Variants in FRMD6 observed in about 807,000 individuals in gnomAD.
FRMD6 encodes the protein FERM domain-containing protein 6.
Under a neutral mutation model 73.2 loss-of-function variants are expected in FRMD6, and 37 were observed. The observed-to-expected ratio is 0.51, with a 90% CI of 0.39 to 0.66. The LOEUF is 0.66. FRMD6 is among the 30% of genes least tolerant of loss of function. FRMD6 has a pLI of 0.00. For missense variants in FRMD6, 714 were observed against 780.5 expected, an observed-to-expected ratio of 0.91 and a Z score of 1.02; for synonymous variants, 273 against 282.2, an observed-to-expected ratio of 0.97 and a Z score of 0.33.
chr14:51,665,405 C>T (rs972662897), intron 1 of FRMD6, among the ~76,000 whole-genome samples: 4 of 152,102 alleles, frequency 2.6e-5, no homozygotes, highest in African/African-American at 9.7e-5. Context: ...TGTTTAGATA[C>T]TTATTTTTTT....
At chr14:51,443,434 C>T in the FRMD6 span, among the ~76,000 whole-genome samples, 3 of 152,114 alleles carry the variant, frequency 2.0e-5, no homozygotes, top group Admixed American at 2.0e-4. Flanking sequence ...TTAATTCAAC[C>T]CTCACTCTCT....
chr14:51,638,513 T>A lies in FRMD6; in HGVS notation c.-146-51178T>A, dbSNP rs78013076. Among the ~76,000 whole-genome samples, 426 of 152,248 alleles carry A rather than the reference T, an allele frequency of 2.8e-3. 1 individual carries two copies. Among genetic ancestry groups the A allele is most frequent in the African/African-American group, 9.5e-3 (394 of 41,550 alleles). ...GCTGACAGATGAGCCTCTTGTTCCATGCTAGATTTTACAACCTGGCTCCCG... is the reference window on the plus strand; with the variant it reads ...GCTGACAGATGAGCCTCTTGTTCCAAGCTAGATTTTACAACCTGGCTCCCG... On this transcript the variant is annotated intron_variant, in intron 2 of 14. Transcript: ENST00000356218.
chr14:51,590,063 A>C (rs1889300347), intron 2 of FRMD6, among the ~76,000 whole-genome samples: 1 of 83,870 alleles, frequency 1.2e-5, no homozygotes, highest in East Asian at 3.6e-4. Context: ...AGCGAAACTC[A>C]AAAAAAAAAA....
chr14:51,675,723 TACTTTAA>T (rs965510086), intron 1 of FRMD6, among the ~76,000 whole-genome samples: 1 of 152,162 alleles, frequency 6.6e-6, no homozygotes, highest in African/African-American at 2.4e-5. Context: ...TGATCTTCTT[TACTTTAA>T]AGAGTACCTG....
At chr14:51,718,671 G>A (rs1050342001) in intron 10 of FRMD6, among the ~76,000 whole-genome samples, 1 of 152,214 alleles carries the variant, frequency 6.6e-6, no homozygotes, top group Non-Finnish European at 1.5e-5. Flanking sequence ...TTGTTGTGAT[G>A]ATATGTGCGT....
chr14:51,712,631 T>C (rs1426651334), intron 9 of FRMD6, 80 bp downstream of exon 9: 10 of 894,018 alleles, frequency 1.1e-5, no homozygotes, highest in Non-Finnish European at 1.8e-5. Context: ...TTTTGTTTTG[T>C]TTTTAAACAA....
At chr14:51,654,008 A>G (rs557623062) in intron 1 of FRMD6, among the ~76,000 whole-genome samples, 39 of 152,184 alleles carry the variant, frequency 2.6e-4, no homozygotes, top group Non-Finnish European at 5.1e-4. Context: ...GAGATCTGAC[A>G]CTGATGGGCT....
chr14:51,664,375 A>G (rs535107083), intron 1 of FRMD6, among the ~76,000 whole-genome samples: 1 of 152,362 alleles, frequency 6.6e-6, no homozygotes, highest in East Asian at 1.9e-4. Flanking sequence ...TCTTCTGGGA[A>G]CTACCTTTGA....
intron 1 of FRMD6, among the ~76,000 whole-genome samples, chr14:51,557,022 T>A (rs551905967): frequency 1.3e-5 from 2 of 152,156 alleles, no homozygotes; most frequent in Non-Finnish European, 2.9e-5. Flanking sequence ...CATGGTGGTA[T>A]GTGCCTATAA....
In FRMD6 at chr14:51,619,774, T is replaced by G. The variant is rs1364752542; in HGVS notation, c.-147+49364T>G. Among the ~76,000 whole-genome samples, 3 of 152,226 alleles carry G rather than the reference T, an allele frequency of 2.0e-5. No individual in the cohort carries two copies. In the East Asian group the frequency reaches 5.8e-4, roughly 29 times the overall value. On this transcript the variant is annotated intron_variant, in intron 2 of 14. Transcript: ENST00000356218. ...GCTACTTTGTATGCTTTTTGGAATA[T>G]CTGACATATCTCAACAGCTGGATTC...
intron 2 of FRMD6, among the ~76,000 whole-genome samples, chr14:51,607,161 A>C (rs539631668): frequency 5.9e-5 from 9 of 152,260 alleles, no homozygotes; most frequent in Admixed American, 3.9e-4. Context: ...CCAGGTTTCT[A>C]CATATTCCTT....
At chr14:51,713,477 A>G (rs79427341) in intron 9 of FRMD6, among the ~76,000 whole-genome samples, 1 of 132,974 alleles carries the variant, frequency 7.5e-6, no homozygotes, top group Non-Finnish European at 1.6e-5. Context: ...AAAAAAAAAA[A>G]TCGTAGTTCT....
At chr14:51,518,000 A>G (rs866253759) in intron 1 of FRMD6, among the ~76,000 whole-genome samples, 3 of 152,222 alleles carry the variant, frequency 2.0e-5, no homozygotes, top group African/African-American at 7.2e-5. Context: ...TCGGACAAGT[A>G]TAACATACAA....
chr14:51,707,331 AT>A (rs1434713108), intron 6 of FRMD6, among the ~76,000 whole-genome samples: 6 of 152,180 alleles, frequency 3.9e-5, no homozygotes, highest in Non-Finnish European at 5.9e-5. Context: ...AATTTTGATT[AT>A]TTTAAGCACG....
chr14:51,405,533 T>C, the FRMD6 span, among the ~76,000 whole-genome samples: 2 of 152,134 alleles, frequency 1.3e-5, no homozygotes, highest in Admixed American at 1.3e-4. Flanking sequence ...GGTATCTCAC[T>C]GTGATTTTGA....
intron 2 of FRMD6, among the ~76,000 whole-genome samples, chr14:51,617,162 A>G (rs1248298271): frequency 6.6e-6 from 1 of 152,208 alleles, no homozygotes; most frequent in African/African-American, 2.4e-5. Context: ...TGCATGTAAC[A>G]CAGTGAGTCA....
At chr14:51,519,126 G>A (rs1884801979) in intron 1 of FRMD6, among the ~76,000 whole-genome samples, 1 of 152,064 alleles carries the variant, frequency 6.6e-6, no homozygotes, top group Admixed American at 6.5e-5. Flanking sequence ...TGCTTGGGAT[G>A]TTGTACGTTT....
At chr14:51,655,933 A>G (rs966227186) in intron 1 of FRMD6, among the ~76,000 whole-genome samples, 1 of 152,222 alleles carries the variant, frequency 6.6e-6, no homozygotes, top group Non-Finnish European at 1.5e-5. Flanking sequence ...CCCATTTCAA[A>G]GACTGGAAAC....
intron 1 of FRMD6, among the ~76,000 whole-genome samples, chr14:51,669,499 C>T (rs912637905): frequency 1.3e-5 from 2 of 152,134 alleles, no homozygotes; most frequent in Non-Finnish European, 2.9e-5. Context: ...TCTAGTTGCT[C>T]CAGATTCTCA....
Sources: gnomAD v4.1 joint callset for allele counts (sites outside exome capture counted in the v4.1 genomes callset) on GRCh38, gnomAD v4.1.1 for gene constraint, MANE v1.5 for transcripts, NCBI Gene and HGNC (gene_info 2026-07-23, HGNC 2026-07-21) for gene names.